SPMIP9: variants seen among roughly 807,000 people sequenced by gnomAD.
The protein encoded by SPMIP9 is protein SPMIP9.
At chr2:88,529,510 G>A in the SPMIP9 span, 5 of 1,558,294 alleles carry the variant, frequency 3.2e-6, no homozygotes, top group South Asian at 3.6e-5. Context: ...CTCTTCCAAG[G>A]GCATGTGGAA....
the SPMIP9 span, among the ~76,000 whole-genome samples, chr2:88,527,577 T>C: frequency 6.6e-6 from 1 of 152,236 alleles, no homozygotes; most frequent in Non-Finnish European, 1.5e-5. Context: ...CACTTTTTGC[T>C]AAACATTATG....
chr2:88,528,191 GC>G, the SPMIP9 span, among the ~76,000 whole-genome samples: 1 of 146,908 alleles, frequency 6.8e-6, no homozygotes, highest in East Asian at 2.0e-4. Context: ...AGGCTGCAGT[GC>G]AGTGGTTTGA....
At chr2:88,528,151 T>G in the SPMIP9 span, among the ~76,000 whole-genome samples, 1 of 151,418 alleles carries the variant, frequency 6.6e-6, no homozygotes, top group East Asian at 1.9e-4. Context: ...TTTTTTTTTT[T>G]TTTTGAGAAG....
chr2:88,528,981 T>G, the SPMIP9 span: 2 of 1,475,184 alleles, frequency 1.4e-6, no homozygotes, highest in Non-Finnish European at 1.8e-6. Flanking sequence ...CTGTCTTGGA[T>G]GCTTCCAAGA....
At chr2:88,525,960 C>T in the SPMIP9 span, among the ~76,000 whole-genome samples, 1 of 152,122 alleles carries the variant, frequency 6.6e-6, no homozygotes, top group Non-Finnish European at 1.5e-5. Context: ...GTACACTAAA[C>T]CTGCTCTAGT....
chr2:88,525,787 G>A, the SPMIP9 span: 2 of 1,048,882 alleles, frequency 1.9e-6, no homozygotes, highest in East Asian at 4.8e-5. Flanking sequence ...GATAGTTTTG[G>A]GTTTTGTGGG....
At chr2:88,527,019 T>A in the SPMIP9 span, among the ~76,000 whole-genome samples, 1 of 152,330 alleles carries the variant, frequency 6.6e-6, no homozygotes, top group African/African-American at 2.4e-5. Flanking sequence ...CAAAAAATTG[T>A]AAATAATACA....
At chr2:88,529,578 C>A in the SPMIP9 span, 1 of 1,064,666 alleles carries the variant, frequency 9.4e-7, no homozygotes, top group Non-Finnish European at 1.3e-6. Flanking sequence ...AAAGATGTTC[C>A]AACTGCACTG....
At chr2:88,527,666 C>T in the SPMIP9 span, among the ~76,000 whole-genome samples, 25,701 of 152,148 alleles carry the variant, frequency 0.17, 2,323 homozygotes, top group Middle Eastern at 0.36. Flanking sequence ...GTTTCTGTAT[C>T]TGTCTCTTCT....
the SPMIP9 span, among the ~76,000 whole-genome samples, chr2:88,527,292 G>A: frequency 6.6e-6 from 1 of 152,138 alleles, no homozygotes; most frequent in African/African-American, 2.4e-5. Context: ...CCAGCAGTTC[G>A]AGACCAGCCT....
the SPMIP9 span, chr2:88,529,027 A>C: frequency 1.9e-6 from 3 of 1,597,048 alleles, no homozygotes; most frequent in Non-Finnish European, 2.6e-6. Flanking sequence ...TCACCCCTCC[A>C]TTCATGTGTG....
the SPMIP9 span, chr2:88,525,662 C>T: frequency 1.2e-6 from 2 of 1,614,060 alleles, no homozygotes; most frequent in African/African-American, 2.7e-5. Flanking sequence ...GTGTGAAATA[C>T]CCGGGACAGG....
At chr2:88,525,456 C>G in the SPMIP9 span, among the ~76,000 whole-genome samples, 1 of 152,178 alleles carries the variant, frequency 6.6e-6, no homozygotes, top group African/African-American at 2.4e-5. Flanking sequence ...TCCCAGGGAC[C>G]CTGGTATCAC....
the SPMIP9 span, chr2:88,526,613 C>T: frequency 3.9e-6 from 3 of 771,554 alleles, no homozygotes; most frequent in Non-Finnish European, 6.7e-6. Context: ...ATATCCAATG[C>T]CAGGAGATAT....
At chr2:88,525,096 G>A in the SPMIP9 span, among the ~76,000 whole-genome samples, 1 of 152,144 alleles carries the variant, frequency 6.6e-6, no homozygotes, top group Admixed American at 6.5e-5. Flanking sequence ...CCTAGGCCTG[G>A]GCCTTCCTCT....
chr2:88,529,078 G>A, the SPMIP9 span: 3 of 1,613,496 alleles, frequency 1.9e-6, no homozygotes, highest in Non-Finnish European at 2.5e-6. Flanking sequence ...CTCAACTCCG[G>A]GACAAAGAGT....
chr2:88,527,484 C>T, the SPMIP9 span, among the ~76,000 whole-genome samples: 1 of 152,156 alleles, frequency 6.6e-6, no homozygotes, highest in Non-Finnish European at 1.5e-5. Flanking sequence ...TCTAAAAACT[C>T]ATTTTACCTT....
At chr2:88,528,463 T>C in the SPMIP9 span, among the ~76,000 whole-genome samples, 4 of 152,206 alleles carry the variant, frequency 2.6e-5, no homozygotes, top group African/African-American at 4.8e-5. Flanking sequence ...TTGTCAGTTA[T>C]ATATGTGGAT....
At chr2:88,528,998 A>G in the SPMIP9 span, 4 of 1,538,898 alleles carry the variant, frequency 2.6e-6, no homozygotes, top group East Asian at 2.3e-5. Context: ...AAGAAAAGCT[A>G]CATCATCTCT....
Sources: allele counts gnomAD v4.1 joint callset (sites outside exome capture counted in the v4.1 genomes callset), GRCh38; gene constraint gnomAD v4.1.1; transcripts MANE v1.5; gene names NCBI Gene and HGNC (gene_info 2026-07-23, HGNC 2026-07-21).